ZNF592: variants seen among roughly 807,000 people sequenced by gnomAD.
The protein encoded by ZNF592 is spinocerebellar ataxia, autosomal recessive 5.
A neutral mutation model predicts 80.3 loss-of-function variants in ZNF592; 11 were observed. The ratio of observed to expected loss-of-function variants is 0.14; its 90% CI spans 0.09 to 0.23. The LOEUF is 0.23. Among genes scored for constraint, ZNF592 ranks in the 10% least tolerant of loss-of-function variants. The pLI is 1.00. For synonymous variants in ZNF592, 646 were observed against 640.3 expected (o/e 1.01, Z -0.13); for missense variants, 1,420 against 1,633.9 (o/e 0.87, Z 2.26).
intron 2 of ZNF592, among the ~76,000 whole-genome samples, chr15:84,773,017 A>G (rs902391424): frequency 4.6e-5 from 7 of 152,168 alleles, no homozygotes; most frequent in African/African-American, 1.7e-4. Flanking sequence ...GCAGGGGGGA[A>G]AACCTCATGG....
At chr15:84,782,520 G>A in intron 3 of ZNF592, 137 bp from the exon 4 acceptor site, 1 of 844,122 alleles carries the variant, frequency 1.2e-6, no homozygotes, top group Non-Finnish European at 2.0e-6. Context: ...AAACTGAGGT[G>A]TGTGGCTTCC....
intron 1 of ZNF592, among the ~76,000 whole-genome samples, chr15:84,763,931 G>A (rs1290888586): frequency 6.6e-6 from 1 of 152,204 alleles, no homozygotes; most frequent in African/African-American, 2.4e-5. Context: ...AGCTTCCAAA[G>A]TTCTCAAGGT....
In ZNF592 at chr15:84,784,008, G is replaced by A. The variant is rs1183356950; in HGVS notation, c.1333G>A (p.Ala445Thr). Residue 445 changes from alanine to threonine, a missense_variant, in exon 4 of 11, where the codon GCC (alanine) becomes ACC (threonine). Ala to Thr is a moderately conservative substitution (Grantham distance 58). Transcript: ENST00000560079. The surrounding 1 kb of genome is among the most constrained non-coding windows in gnomAD (Gnocchi z 5.8). The stretch of plus-strand genomic sequence containing the variant: ...CACAAATTCAGGGAGCCCCCAGGGG[G>A]CCAGGAAAGGGGACGAGAGCATGAC... Reference protein sequence around the residue: ...AGTNSGSPQGARKGDESMTKA... With the variant: ...AGTNSGSPQGTRKGDESMTKA... 2.5e-6 allele frequency: 4 copies of A among 1,610,748 alleles called. No homozygotes were observed. The highest frequency in any genetic ancestry group is 2.7e-5 in the African/African-American group (2 of 74,752).
At chr15:84,758,601 A>G (rs1899251682) in intron 1 of ZNF592, among the ~76,000 whole-genome samples, 2 of 152,004 alleles carry the variant, frequency 1.3e-5, no homozygotes. Flanking sequence ...CTTAATTAGC[A>G]TGTGTACTTG....
At position 84,778,251 on chromosome 15, in the gene ZNF592, A is replaced by G; in HGVS notation, c.-81A>G. ...GGAAGACGCTCCCCCGTACGGAGACAGAGGGAGGGGGGGCTCCAAAGCCGA... is the reference window on the plus strand; with the variant it reads ...GGAAGACGCTCCCCCGTACGGAGACGGAGGGAGGGGGGGCTCCAAAGCCGA... On this transcript the variant is annotated 5_prime_UTR_variant, in exon 3 of 11. Coordinates refer to ENST00000560079, the MANE Select transcript of ZNF592 (RefSeq NM_014630.3). 3.7e-6 allele frequency: 1 copy of G among 273,114 alleles called. No individual in the cohort carries two copies. 16.9% of individuals were successfully genotyped at this position (273,114 alleles called of 1,614,324 possible). A position where few individuals can be genotyped will look rare whatever the true frequency, so the allele number is the denominator to read the frequency against.
At chr15:84,796,046 A>G (rs952285798) in intron 5 of ZNF592, among the ~76,000 whole-genome samples, 9 of 151,122 alleles carry the variant, frequency 6.0e-5, no homozygotes, top group Admixed American at 1.3e-4. Context: ...ACATGGTGAA[A>G]CCCCGTCTCT....
Position 84,798,500 on chromosome 15 carries a change from G to T in ZNF592, c.2736+26G>T, listed in dbSNP as rs750215940. On this transcript the variant is annotated intron_variant, in intron 7 of 10. Coordinates refer to ENST00000560079, the MANE Select transcript of ZNF592 (RefSeq NM_014630.3). The surrounding 1 kb of genome is among the most constrained non-coding windows in gnomAD (Gnocchi z 4.5). ...GTGGGATGCCTTGCGGGAGGAGGCC[G>T]GGGAGGAGGGCACATGCCTCAGGCT... is the stretch of plus-strand genomic sequence containing the variant. 6.2e-7 allele frequency: 1 copy of T among 1,613,742 alleles called. No homozygotes were observed. The highest frequency in any genetic ancestry group is 1.1e-5 in the South Asian group (1 of 91,034).
At chr15:84,793,928 G>T (rs751640871) in intron 5 of ZNF592, among the ~76,000 whole-genome samples, 32 of 152,116 alleles carry the variant, frequency 2.1e-4, no homozygotes, top group East Asian at 9.6e-4. Flanking sequence ...TTCCCCTTTT[G>T]GCTTCATGAA....
At chr15:84,774,587 G>A (rs992364844) in intron 2 of ZNF592, among the ~76,000 whole-genome samples, 1 of 152,100 alleles carries the variant, frequency 6.6e-6, no homozygotes, top group African/African-American at 2.4e-5. Flanking sequence ...ATTTCCCCAT[G>A]AATGGGAATT....
At chr15:84,774,120 C>T (rs1018525751) in intron 2 of ZNF592, among the ~76,000 whole-genome samples, 22 of 152,330 alleles carry the variant, frequency 1.4e-4, no homozygotes, top group African/African-American at 4.8e-4. Flanking sequence ...TCACATTTGC[C>T]TTCACTGATG....
rs1381048634 is a variant in ZNF592 at position 84,788,753 on chromosome 15, C to T, written c.2221-1952C>T. ...AAAAACAATTCCCATTTATCTTCCTCCTCCCAAGCCCTGGCAACCACCCTT... is the reference window on the plus strand; with the variant it reads ...AAAAACAATTCCCATTTATCTTCCTTCTCCCAAGCCCTGGCAACCACCCTT... On this transcript the variant is annotated intron_variant, in intron 4 of 10. Transcript: ENST00000560079. Among the ~76,000 whole-genome samples, 11 of 152,198 alleles carry T rather than the reference C, an allele frequency of 7.2e-5. 1 individual carries two copies. The highest frequency in any genetic ancestry group is 5.9e-4 in the Admixed American group (9 of 15,282).
At chr15:84,751,073 T>A (rs1256052223) in intron 1 of ZNF592, among the ~76,000 whole-genome samples, 1 of 152,200 alleles carries the variant, frequency 6.6e-6, no homozygotes, top group Non-Finnish European at 1.5e-5. Flanking sequence ...CCTGATCTGT[T>A]TGGAAAAGCC....
In ZNF592 at chr15:84,748,652, C is replaced by T. The variant is rs982857592; in HGVS notation, c.-271C>T. 6.7e-6 allele frequency: 1 copy of T among 148,166 alleles called. No homozygotes were observed. The highest frequency in any genetic ancestry group is 2.4e-5 in the African/African-American group (1 of 40,946). The allele number at this position is 148,166 out of a possible 1,614,324, so 9.2% of individuals were successfully genotyped here. A position where few individuals can be genotyped will look rare whatever the true frequency, so the allele number is the denominator to read the frequency against. On this transcript the variant is annotated 5_prime_UTR_variant, in exon 1 of 11. Transcript: ENST00000560079. ...CCGAGACTCTGGCCTGCAGTCGCCG[C>T]CGCCGCCGCCAGGTAAGCGCCCCCC...
chr15:84,767,321 C>T (rs578018204), intron 2 of ZNF592, among the ~76,000 whole-genome samples: 20 of 152,094 alleles, frequency 1.3e-4, no homozygotes, highest in African/African-American at 4.3e-4. Flanking sequence ...CCACCGTACC[C>T]GGCCAACACT....
At position 84,802,134 on chromosome 15, in the gene ZNF592, A is replaced by G. The variant is rs763220659; in HGVS notation, c.3545A>G (p.Glu1182Gly). The change falls in exon 11 of 11, where the codon GAG becomes GGG. Residue 1182 changes from glutamate to glycine, a missense_variant. Coordinates refer to ENST00000560079, the MANE Select transcript of ZNF592 (RefSeq NM_014630.3). ...ATTGTCCACAAGGTGAGAGACCAGG[A>G]GGAGGAGGAGGAAGAGGAGGCGGCG... ...LFIVHKVRDQ[E>G]EEEEEEAAAA... is the part of the protein sequence containing the mutation. The G allele has an allele frequency of 3.7e-6, 6 of 1,606,186 alleles. No homozygotes were observed. The highest frequency in any genetic ancestry group is 5.1e-6 in the Non-Finnish European group (6 of 1,174,220).
In ZNF592 at chr15:84,782,907, T is replaced by G; in HGVS notation, c.232T>G (p.Ser78Ala). ...VIVKNTSRQE[S>A]FEAEKDHITP... ...TGTCAAGAACACCAGCCGCCAGGAG[T>G]CATTTGAAGCGGAGAAAGACCACAT... Residue 78 changes from serine to alanine, a missense_variant, in exon 4 of 11, where the codon TCA (serine) becomes GCA (alanine). Physicochemically the swap from Ser to Ala is moderately conservative, Grantham distance 99 (BLOSUM62 1). Coordinates refer to ENST00000560079, the MANE Select transcript of ZNF592 (RefSeq NM_014630.3). The G allele has an allele frequency of 1.2e-6, 2 of 1,613,678 alleles. 1 individual carries two copies. The highest frequency in any genetic ancestry group is 2.2e-5 in the South Asian group (2 of 91,032).
chr15:84,751,795 C>T (rs774297009), intron 1 of ZNF592, among the ~76,000 whole-genome samples: 1 of 152,110 alleles, frequency 6.6e-6, no homozygotes, highest in Non-Finnish European at 1.5e-5. Context: ...GTCCCAGCTT[C>T]TCAGGAGGCT....
At chr15:84,757,074 G>C (rs1051983488) in intron 1 of ZNF592, among the ~76,000 whole-genome samples, 2 of 152,072 alleles carry the variant, frequency 1.3e-5, no homozygotes, top group African/African-American at 4.8e-5. Flanking sequence ...CATTACGCCA[G>C]TGTACTCTGG....
chr15:84,788,351 A>C (rs1310360298), intron 4 of ZNF592, among the ~76,000 whole-genome samples: 1 of 151,966 alleles, frequency 6.6e-6, no homozygotes, highest in Non-Finnish European at 1.5e-5. Flanking sequence ...TATTTTTCTA[A>C]TTCTATTGTT....
Sources: gnomAD v4.1 joint callset for allele counts (sites outside exome capture counted in the v4.1 genomes callset) on GRCh38, gnomAD v4.1.1 for gene constraint, Gnocchi (gnomAD v3.1) non-coding constraint, MANE v1.5 for transcripts, NCBI Gene and HGNC (gene_info 2026-07-23, HGNC 2026-07-21) for gene names.